Variants in ETV6 observed in about 807,000 individuals in gnomAD.
ETV6 encodes the protein ETS variant transcription factor 6.
In ETV6, 16 loss-of-function variants were observed where a neutral mutation model predicts 51.1. The observed-to-expected ratio is 0.31, with a 90% confidence interval of 0.21 to 0.48. The LOEUF (loss-of-function observed/expected upper bound fraction) is 0.48. Ranked by LOEUF, ETV6 falls within the 20% of genes least tolerant of loss-of-function variation. The pLI is 0.99. For missense variants in ETV6, 458 were observed against 594.8 expected (o/e 0.77, Z 2.39); for synonymous variants, 240 against 224.1 (o/e 1.07, Z -0.64).
intron 1 of ETV6, among the ~76,000 whole-genome samples, chr12:11,712,618 T>C (rs903623160): frequency 2.0e-5 from 3 of 152,202 alleles, no homozygotes; most frequent in African/African-American, 7.2e-5. Flanking sequence ...GAGTTGATGT[T>C]GCAGTCAGGA....
intron 1 of ETV6, among the ~76,000 whole-genome samples, chr12:11,709,191 A>T (rs1342842148): frequency 6.6e-6 from 1 of 152,160 alleles, no homozygotes; most frequent in African/African-American, 2.4e-5. Context: ...ATAAGAACCA[A>T]AATGACTGAT....
intron 1 of ETV6, among the ~76,000 whole-genome samples, chr12:11,726,829 CA>C (rs1442047598): frequency 2.0e-5 from 3 of 152,306 alleles, no homozygotes; most frequent in African/African-American, 7.2e-5. Context: ...TAGAGAGAGG[CA>C]GAGAAATGAC....
At chr12:11,878,167 T>C (rs1303700560) in intron 5 of ETV6, among the ~76,000 whole-genome samples, 5 of 152,194 alleles carry the variant, frequency 3.3e-5, no homozygotes, top group Non-Finnish European at 7.3e-5. Flanking sequence ...GGAGGAGCCA[T>C]CACTCCAGCA....
chr12:11,725,343 C>A (rs1328212873), intron 1 of ETV6, among the ~76,000 whole-genome samples: 1 of 152,052 alleles, frequency 6.6e-6, no homozygotes, highest in African/African-American at 2.4e-5. Context: ...CAGCCCCGAG[C>A]TTTTCCTTGG....
chr12:11,658,143 C>G (rs1484409911), intron 1 of ETV6, among the ~76,000 whole-genome samples: 1 of 152,222 alleles, frequency 6.6e-6, no homozygotes. Flanking sequence ...CTTTATACAT[C>G]CTCCATAACA....
intron 1 of ETV6, chr12:11,751,738 AATG>A (rs1435033337): frequency 2.5e-6 from 1 of 401,306 alleles, no homozygotes; most frequent in East Asian, 6.5e-5. Context: ...TAATTCTTTG[AATG>A]AACTATGAAA....
chr12:11,658,232 G>GTTTGTT (rs952908752), intron 1 of ETV6, among the ~76,000 whole-genome samples: 8 of 152,204 alleles, frequency 5.3e-5, no homozygotes, highest in South Asian at 2.1e-4. Flanking sequence ...CCAGGGGATG[G>GTTTGTT]TTTGTTTTTG....
At chr12:11,835,568 A>G (rs1158275769) in intron 2 of ETV6, among the ~76,000 whole-genome samples, 1 of 152,238 alleles carries the variant, frequency 6.6e-6, no homozygotes, top group Admixed American at 6.5e-5. Flanking sequence ...TAGCCTGTGA[A>G]GGGAGGACTT....
At chr12:11,872,356 A>C (rs1297498003) in intron 5 of ETV6, among the ~76,000 whole-genome samples, 1 of 152,212 alleles carries the variant, frequency 6.6e-6, no homozygotes, top group African/African-American at 2.4e-5. Flanking sequence ...CCCAGGTGAC[A>C]CTGCCTTCAC....
At chr12:11,884,260 C>A (rs558772302) in intron 5 of ETV6, among the ~76,000 whole-genome samples, 185 bp from the exon 6 acceptor site, 2 of 152,326 alleles carry the variant, frequency 1.3e-5, no homozygotes, top group African/African-American at 4.8e-5. Flanking sequence ...TCAAAGGTCA[C>A]ACAACAGGAC....
At chr12:11,713,392 C>A (rs1429258795) in intron 1 of ETV6, among the ~76,000 whole-genome samples, 2 of 152,196 alleles carry the variant, frequency 1.3e-5, no homozygotes, top group Non-Finnish European at 2.9e-5. Flanking sequence ...GATTAGATTA[C>A]TTGTTTTACT....
chr12:11,759,865 T>G (rs753132847), intron 2 of ETV6, among the ~76,000 whole-genome samples: 15 of 152,260 alleles, frequency 9.9e-5, no homozygotes, highest in Non-Finnish European at 2.2e-4. Context: ...TACAGCAGTT[T>G]CCATGCTCAA....
At chr12:11,726,515 C>T (rs1865492233) in intron 1 of ETV6, among the ~76,000 whole-genome samples, 2 of 152,202 alleles carry the variant, frequency 1.3e-5, no homozygotes, top group African/African-American at 2.4e-5. Flanking sequence ...CCGTAGCTCA[C>T]ACCTGTAATC....
chr12:11,889,708 G>C (rs189893393), intron 7 of ETV6, among the ~76,000 whole-genome samples: 1 of 152,320 alleles, frequency 6.6e-6, no homozygotes, highest in Admixed American at 6.5e-5. Context: ...TCATACTGAT[G>C]AACAGTGGAA....
rs777302432 is a variant in ETV6 at position 11,752,597 on chromosome 12, G to C, written c.163+18G>C. 4.4e-6 allele frequency: 7 copies of C among 1,605,000 alleles called. 1 individual carries two copies. The highest frequency in any genetic ancestry group is 2.2e-5 in the South Asian group (2 of 90,838). On this transcript the variant is annotated intron_variant, in intron 2 of 7. Coordinates refer to ENST00000396373, the MANE Select transcript of ETV6 (RefSeq NM_001987.5). ...GCACCTGCGTGAGTGTTCGTGACCC[G>C]AGAGGGACAGAGGATTGATGGCGTG...
At chr12:11,726,243 G>C (rs1212449189) in intron 1 of ETV6, among the ~76,000 whole-genome samples, 1 of 152,222 alleles carries the variant, frequency 6.6e-6, no homozygotes, top group African/African-American at 2.4e-5. Flanking sequence ...GGAAGAAGGA[G>C]TGTGAGGAGC....
rs71057775 is a variant in ETV6 at position 11,868,438 on chromosome 12, C to CTT, written c.464-970_464-969dup. On this transcript the variant is annotated intron_variant, in intron 4 of 7. Transcript: ENST00000396373. Reference sequence around the variant, plus strand: ...GTTGGGGGTTTTTTTCTTTTTTCTTCTTTTTTTTTTTTTTTTTGAGACAAA... The same window carrying CTT: ...GTTGGGGGTTTTTTTCTTTTTTCTTCTTTTTTTTTTTTTTTTTTTGAGACAAA... Among the ~76,000 whole-genome samples the CTT allele has an allele frequency of 2.7e-3, 341 of 127,906 alleles. 5 individuals are homozygous for CTT. Among genetic ancestry groups the CTT allele is most frequent in the Middle Eastern group, 4.2e-3 (1 of 240 alleles). 83.9% of individuals were successfully genotyped at this position (127,906 alleles called of 152,430 possible). A position where few individuals can be genotyped will look rare whatever the true frequency, so the allele number is the denominator to read the frequency against.
At chr12:11,731,004 C>G (rs999391178) in intron 1 of ETV6, among the ~76,000 whole-genome samples, 3 of 152,172 alleles carry the variant, frequency 2.0e-5, no homozygotes, top group Non-Finnish European at 2.9e-5. Context: ...AGGCCAAGCC[C>G]CTCCAGTGTA....
intron 2 of ETV6, among the ~76,000 whole-genome samples, chr12:11,811,097 T>C (rs904489837): frequency 2.0e-5 from 3 of 152,244 alleles, no homozygotes; most frequent in Non-Finnish European, 4.4e-5. Flanking sequence ...TTCAGGGTTT[T>C]TCCCCCCTGT....
Sources: allele counts gnomAD v4.1 joint callset (sites outside exome capture counted in the v4.1 genomes callset), GRCh38; gene constraint gnomAD v4.1.1; transcripts MANE v1.5; gene names NCBI Gene and HGNC (gene_info 2026-07-23, HGNC 2026-07-21).